The following ADAM9 variants were observed in gnomAD, a reference collection of about 807,000 sequenced individuals.
The protein encoded by ADAM9 is disintegrin and metalloproteinase domain-containing protein 9.
A neutral mutation model predicts 108.1 loss-of-function variants in ADAM9; 54 were observed. The observed-to-expected ratio is 0.50, with a 90% confidence interval of 0.40 to 0.63. The LOEUF (loss-of-function observed/expected upper bound fraction) is 0.63, where lower values mean the gene tolerates loss of function less well. ADAM9 is among the 20% of genes least tolerant of loss of function. The pLI is 0.00. For missense variants in ADAM9, 830 were observed against 997.7 expected, an observed-to-expected ratio of 0.83 and a Z score of 2.26; for synonymous variants, 316 against 336.0, an observed-to-expected ratio of 0.94 and a Z score of 0.65.
At chr8:39,016,078 T>C in intron 4 of ADAM9, 40 bp from the exon 5 acceptor site, 1 of 1,557,968 alleles carries the variant, frequency 6.4e-7, no homozygotes, top group East Asian at 2.2e-5. Context: ...TTTTCAGCAA[T>C]GTAGCAATAT....
chr8:38,997,067 G>C lies in ADAM9; in HGVS notation c.4G>C (p.Gly2Arg). The change falls in exon 1 of 22, where the codon GGG becomes CGG. Residue 2 changes from glycine (G) to arginine (R), a missense_variant. Coordinates refer to ENST00000487273, the MANE Select transcript of ADAM9 (RefSeq NM_003816.3). M[G>R]SGARFPSGTL... Reference sequence around the variant, plus strand: ...GGAACCTGCGGAATCGGCCGAGATGGGGTCTGGCGCGCGCTTTCCCTCGGG... The same window carrying C: ...GGAACCTGCGGAATCGGCCGAGATGCGGTCTGGCGCGCGCTTTCCCTCGGG... 1 of 1,607,590 alleles carries C rather than the reference G, an allele frequency of 6.2e-7. No individual in the cohort carries two copies. The highest frequency in any genetic ancestry group is 8.5e-7 in the Non-Finnish European group (1 of 1,179,542).
At position 39,016,136 on chromosome 8, in the gene ADAM9, G is replaced by T; in HGVS notation, c.352G>T (p.Gly118Cys). 1 of 1,613,688 alleles carries T rather than the reference G, an allele frequency of 6.2e-7. No homozygotes were observed. Among genetic ancestry groups the T allele is most frequent in the East Asian group, 2.2e-5 (1 of 44,848 alleles). Residue 118 changes from glycine to cysteine, a missense_variant, in exon 5 of 22, where the codon GGC (glycine) becomes TGC (cysteine). This residue lies in a region of ADAM9 where 211 missense variants were observed against 222.2 expected (regional missense o/e 0.95). Coordinates refer to ENST00000487273, the MANE Select transcript of ADAM9 (RefSeq NM_003816.3). Reference protein sequence around the residue: ...PNIQNHCHYRGYVEGVHNSSI... With the variant: ...PNIQNHCHYRCYVEGVHNSSI... ...CATTTAGAATCATTGTCATTATCGG[G>T]GCTATGTGGAGGGAGTTCATAATTC...
chr8:39,000,213 C>T (rs1353795495), intron 1 of ADAM9, among the ~76,000 whole-genome samples: 17 of 152,002 alleles, frequency 1.1e-4, no homozygotes, highest in Admixed American at 9.8e-4. Flanking sequence ...AGGATGGTCT[C>T]GACCTCCTGA....
chr8:39,083,884 T>G (rs1283969952), intron 18 of ADAM9, among the ~76,000 whole-genome samples: 1 of 152,182 alleles, frequency 6.6e-6, no homozygotes. Flanking sequence ...TATGTTAAGC[T>G]TTTAAAGAAA....
Position 39,016,126 on chromosome 8 carries a change from T to C in ADAM9, c.342T>C (p.Cys114=). The change falls in exon 5 of 22, where the codon TGT becomes TGC. Residue 114 remains cysteine, a synonymous_variant. Coordinates refer to ENST00000487273, the MANE Select transcript of ADAM9 (RefSeq NM_003816.3). ...CAGTATTTTTCATTTAGAATCATTG[T>C]CATTATCGGGGCTATGTGGAGGGAG... ...ITDHPNIQNH[C]HYRGYVEGVH... The C allele has an allele frequency of 6.2e-7, 1 of 1,613,584 alleles. No individual in the cohort carries two copies. Among genetic ancestry groups the C allele is most frequent in the African/African-American group, 1.3e-5 (1 of 75,050 alleles).
At chr8:39,011,477 G>A (rs1361678885) in intron 2 of ADAM9, among the ~76,000 whole-genome samples, 181 bp from the exon 3 acceptor site, 1 of 152,052 alleles carries the variant, frequency 6.6e-6, no homozygotes, top group Non-Finnish European at 1.5e-5. Flanking sequence ...AGGAAGGAAG[G>A]GATGATCAGA....
chr8:39,039,940 A>G (rs1469781171), intron 11 of ADAM9, among the ~76,000 whole-genome samples: 1 of 152,198 alleles, frequency 6.6e-6, no homozygotes, highest in Admixed American at 6.5e-5. Flanking sequence ...TAATTTCTTT[A>G]GGGAACTCCT....
At position 39,103,621 on chromosome 8, in the gene ADAM9, A is replaced by C. The variant is rs1839769200; in HGVS notation, c.2381A>C (p.Gln794Pro). The C allele has an allele frequency of 6.2e-7, 1 of 1,614,020 alleles. No individual in the cohort carries two copies. Among genetic ancestry groups the C allele is most frequent in the Admixed American group, 1.7e-5 (1 of 60,006 alleles). Residue 794 changes from glutamine to proline, a missense_variant, in exon 22 of 22, where the codon CAA becomes CCA. Around this residue, in one of 3 missense-constraint regions of ADAM9, gnomAD observed 238 missense variants for 235.7 expected, o/e 1.01. Transcript: ENST00000487273. ...TCCCCTCGCAGGCCACCTCCACCACAACCGAAAGTATCATCTCAGGGAAAC... is the reference window on the plus strand; with the variant it reads ...TCCCCTCGCAGGCCACCTCCACCACCACCGAAAGTATCATCTCAGGGAAAC... ...QQFPSRPPPPQPKVSSQGNLI... is the reference protein window; with the variant it reads ...QQFPSRPPPPPPKVSSQGNLI...
rs369022678 is a variant in ADAM9, at chr8:39,082,789, A to G, written c.1962+68A>G. Reference sequence around the variant, plus strand: ...AAATAATGAGAAATCTCAGGACTAGATGAGAGTTCCCAGGATTTTCAGATG... The same window carrying G: ...AAATAATGAGAAATCTCAGGACTAGGTGAGAGTTCCCAGGATTTTCAGATG... On this transcript the variant is annotated intron_variant, in intron 17 of 21. Coordinates refer to ENST00000487273, the MANE Select transcript of ADAM9 (RefSeq NM_003816.3). 3 of 759,852 alleles carry G rather than the reference A, an allele frequency of 3.9e-6. No homozygotes were observed. Among genetic ancestry groups the G allele is most frequent in the African/African-American group, 3.7e-5 (2 of 54,310 alleles). The allele number at this position is 759,852 out of a possible 1,614,324, so 47.1% of individuals were successfully genotyped here. A position where few individuals can be genotyped will look rare whatever the true frequency, so the allele number is the denominator to read the frequency against.
Position 39,017,409 on chromosome 8 carries a change from C to T in ADAM9, c.601C>T (p.Leu201Phe). 6.2e-7 allele frequency: 1 copy of T among 1,613,720 alleles called. No homozygotes were observed. Among genetic ancestry groups the T allele is most frequent in the Non-Finnish European group, 8.5e-7 (1 of 1,179,760 alleles). ...EEEPPSMTQL[L>F]RRRRAVLPQT... ...AGAGCCTCCCAGCATGACTCAGCTA[C>T]TTCGAGTAAGGAAATAACATAATTC... Residue 201 changes from leucine (L) to phenylalanine (F), a missense_variant, in exon 6 of 22, where the codon CTT becomes TTT. By Grantham distance (22) the Leu-to-Phe change is conservative. Transcript: ENST00000487273.
rs531565098 is a variant in ADAM9, at chr8:39,019,593, T to G, written c.672+675T>G. ...TGTTTAGGGGGTACAGGTGAGTATT[T>G]GTTACAACAGCTGTGTAATTTAAAA... On this transcript the variant is annotated intron_variant, in intron 7 of 21. Coordinates refer to ENST00000487273, the MANE Select transcript of ADAM9 (RefSeq NM_003816.3). 2.0e-5 allele frequency among the ~76,000 whole-genome samples: 3 copies of G among 152,330 alleles called. No individual in the cohort carries two copies. The East Asian group carries it at 5.8e-4, about 29-fold the overall frequency.
intron 11 of ADAM9, among the ~76,000 whole-genome samples, chr8:39,038,862 CTTT>C (rs1837366780): frequency 6.6e-6 from 1 of 152,182 alleles, no homozygotes; most frequent in Admixed American, 6.5e-5. Context: ...TTTGCCTATT[CTTT>C]TGTCTCAAAC....
In ADAM9 at chr8:39,007,648, G is replaced by T. The variant is rs563269450; in HGVS notation, c.98-238G>T. On this transcript the variant is annotated intron_variant, in intron 1 of 21. Coordinates refer to ENST00000487273, the MANE Select transcript of ADAM9 (RefSeq NM_003816.3). ...TTGCTATGTATATTTATAATGTTTG[G>T]ATAAAGACTGATATTCTTTTTTAAG... Among the ~76,000 whole-genome samples, 3 of 152,276 alleles carry T rather than the reference G, an allele frequency of 2.0e-5. No individual in the cohort carries two copies. The South Asian group carries it at 6.2e-4, about 32-fold the overall frequency.
At chr8:39,021,222 G>A (rs527642536) in intron 7 of ADAM9, among the ~76,000 whole-genome samples, 2 of 152,192 alleles carry the variant, frequency 1.3e-5, no homozygotes, top group Non-Finnish European at 2.9e-5. Flanking sequence ...ATGTCTAAAT[G>A]CCTCAATTTT....
At chr8:39,036,666 A>G (rs1385686849) in intron 11 of ADAM9, among the ~76,000 whole-genome samples, 1 of 152,176 alleles carries the variant, frequency 6.6e-6, no homozygotes, top group African/African-American at 2.4e-5. Flanking sequence ...CAGGAGAAAG[A>G]TCATTCTTTT....
chr8:39,085,463 A>T (rs1588425051), intron 18 of ADAM9, among the ~76,000 whole-genome samples: 1 of 152,246 alleles, frequency 6.6e-6, no homozygotes, highest in South Asian at 2.1e-4. Flanking sequence ...TTTCAATCTG[A>T]TTTAATTTCT....
chr8:39,030,057 A>G (rs1837051109), intron 11 of ADAM9, among the ~76,000 whole-genome samples: 1 of 152,164 alleles, frequency 6.6e-6, no homozygotes, highest in Non-Finnish European at 1.5e-5. Context: ...ATATCCCTCA[A>G]CAGAGTGGTA....
At position 39,051,022 on chromosome 8, in the gene ADAM9, A is replaced by G. The variant is rs149824872; in HGVS notation, c.1303-3459A>G. 9.8e-4 allele frequency among the ~76,000 whole-genome samples: 149 copies of G among 152,062 alleles called. 5 individuals are homozygous for G. In the East Asian group the frequency reaches 0.019, roughly 19 times the overall value. The stretch of plus-strand genomic sequence containing the variant: ...AATTTCTTGGGTAGCTCCTAGAAAA[A>G]TTGTAGCGTTGGATGTGTGGTCCTC... On this transcript the variant is annotated intron_variant, in intron 12 of 21. Transcript: ENST00000487273.
At position 39,103,676 on chromosome 8, in the gene ADAM9, T is replaced by G. The variant is rs1242447892; in HGVS notation, c.2436T>G (p.Pro812=). 3.1e-6 allele frequency: 5 copies of G among 1,614,010 alleles called. No individual in the cohort carries two copies. In the South Asian group the frequency reaches 4.4e-5, roughly 14 times the overall value. The part of the protein sequence containing the change: ...NLIPARPAPA[P]PLYSSLT The stretch of plus-strand genomic sequence containing the variant: ...TTCCTGCCCGTCCTGCTCCTGCACC[T>G]CCTTTATATAGTTCCCTCACTTGAT... The change falls in exon 22 of 22, where the codon CCT becomes CCG. Residue 812 remains proline (P), a synonymous_variant. Coordinates refer to ENST00000487273, the MANE Select transcript of ADAM9 (RefSeq NM_003816.3).
Sources: gnomAD v4.1 joint callset for allele counts (sites outside exome capture counted in the v4.1 genomes callset) on GRCh38, gnomAD v4.1.1 for gene constraint, gnomAD v4.1.1 regional missense constraint, MANE v1.5 for transcripts, NCBI Gene and HGNC (gene_info 2026-07-23, HGNC 2026-07-21) for gene names.